The following CLNK variants were observed in gnomAD, a reference collection of about 807,000 sequenced individuals.
The protein encoded by CLNK is cytokine dependent hematopoietic cell linker, also known as cytokine-dependent hematopoietic cell linker.
CLNK carries 74 observed loss-of-function variants against 68.6 expected under a neutral mutation model. The ratio of observed to expected loss-of-function variants is 1.08; its 90% CI spans 0.89 to 1.31. The LOEUF (loss-of-function observed/expected upper bound fraction) is 1.31, where lower values mean the gene tolerates loss of function less well. Among genes scored for constraint, CLNK ranks in the 50% most tolerant of loss-of-function variants. CLNK has a pLI of 0.00. For missense variants in CLNK, 553 were observed against 515.3 expected, an observed-to-expected ratio of 1.07 and a Z score of -0.71; for synonymous variants, 198 against 172.2, an observed-to-expected ratio of 1.15 and a Z score of -1.17.
chr4:10,540,690 C>T (rs1304296047), intron 10 of CLNK, 86 bp from the exon 11 acceptor site: 14 of 890,708 alleles, frequency 1.6e-5, no homozygotes, highest in Non-Finnish European at 1.8e-5. Flanking sequence ...CTCTGCCCTC[C>T]GTGTCCCCAG....
chr4:10,728,043 G>C, the CLNK span, among the ~76,000 whole-genome samples: 6 of 152,278 alleles, frequency 3.9e-5, no homozygotes, highest in Admixed American at 2.6e-4. Context: ...TTGCCTCCTA[G>C]AGGGTATCGT....
At chr4:10,675,848 G>A (rs757697128) in intron 1 of CLNK, among the ~76,000 whole-genome samples, 21 of 152,128 alleles carry the variant, frequency 1.4e-4, no homozygotes, top group Non-Finnish European at 2.8e-4. Flanking sequence ...CTGGGTCAAG[G>A]CTCAAGAATA....
chr4:10,557,471 C>A (rs1311172297), intron 8 of CLNK, among the ~76,000 whole-genome samples: 3 of 152,182 alleles, frequency 2.0e-5, no homozygotes, highest in Admixed American at 1.3e-4. Context: ...GTCCCGGGAC[C>A]AGTGATCACT....
At chr4:10,592,579 A>G (rs555474824) in intron 3 of CLNK, among the ~76,000 whole-genome samples, 53 of 151,926 alleles carry the variant, frequency 3.5e-4, no homozygotes, top group Admixed American at 5.9e-4. Context: ...CTCTCGGTAT[A>G]CTACAGATCA....
intron 11 of CLNK, among the ~76,000 whole-genome samples, chr4:10,533,676 C>T (rs1237542390): frequency 6.6e-6 from 1 of 152,184 alleles, no homozygotes; most frequent in Non-Finnish European, 1.5e-5. Flanking sequence ...GTAGAACAAA[C>T]ACCCAGAGTA....
rs954918720 is a variant in CLNK, at chr4:10,621,677, A to G, written c.12-23628T>C. Among the ~76,000 whole-genome samples, 3 of 152,362 alleles carry G rather than the reference A, an allele frequency of 2.0e-5. No homozygotes were observed. The South Asian group carries it at 6.2e-4, about 32-fold the overall frequency. The stretch of plus-strand genomic sequence containing the variant: ...CTGTCCCTCCAGGATGACATTAGGA[A>G]CATACTGTCAAGAAAAGGATGATGC... On this transcript the variant is annotated intron_variant, in intron 2 of 18. Coordinates refer to ENST00000226951, the MANE Select transcript of CLNK (RefSeq NM_052964.4).
chr4:10,628,648 T>C (rs1180401260), intron 2 of CLNK, among the ~76,000 whole-genome samples: 2 of 152,196 alleles, frequency 1.3e-5, no homozygotes, highest in African/African-American at 4.8e-5. Flanking sequence ...CCTCTGCTCC[T>C]CCTTCTTCAG....
chr4:10,644,562 A>G (rs1303494237), intron 2 of CLNK, among the ~76,000 whole-genome samples: 1 of 152,186 alleles, frequency 6.6e-6, no homozygotes, highest in Non-Finnish European at 1.5e-5. Flanking sequence ...AACCCAGAAT[A>G]TAGTAGAGGC....
chr4:10,660,418 G>A (rs1560267335), intron 2 of CLNK, among the ~76,000 whole-genome samples: 1 of 152,078 alleles, frequency 6.6e-6, no homozygotes, highest in Non-Finnish European at 1.5e-5. Context: ...AGCCTAAAAG[G>A]AAATATCCAA....
At chr4:10,660,561 C>G (rs999795802) in intron 2 of CLNK, among the ~76,000 whole-genome samples, 1 of 152,090 alleles carries the variant, frequency 6.6e-6, no homozygotes, top group African/African-American at 2.4e-5. Flanking sequence ...TACATCAGAG[C>G]CTTTATTATT....
At chr4:10,714,212 T>G in the CLNK span, among the ~76,000 whole-genome samples, 1 of 152,176 alleles carries the variant, frequency 6.6e-6, no homozygotes, top group Admixed American at 6.5e-5. Flanking sequence ...GGTTTGTGAT[T>G]TTGCTATTTA....
chr4:10,613,351 G>T (rs1401076081), intron 2 of CLNK, among the ~76,000 whole-genome samples: 2 of 152,184 alleles, frequency 1.3e-5, no homozygotes, highest in Non-Finnish European at 2.9e-5. Context: ...TCAGCTGTGG[G>T]ATAACTGAAG....
intron 2 of CLNK, among the ~76,000 whole-genome samples, chr4:10,659,399 T>C (rs912191647): frequency 1.3e-5 from 2 of 152,318 alleles, no homozygotes; most frequent in Non-Finnish European, 1.5e-5. Flanking sequence ...CGATTTCATT[T>C]AATAAAGAAA....
chr4:10,576,817 G>C (rs533790931), intron 4 of CLNK, among the ~76,000 whole-genome samples: 1 of 152,346 alleles, frequency 6.6e-6, no homozygotes, highest in East Asian at 1.9e-4. Flanking sequence ...CGCTAAGTTA[G>C]AAGCTCCAAT....
At chr4:10,512,614 A>T (rs12499142) in intron 16 of CLNK, among the ~76,000 whole-genome samples, 96,316 of 151,696 alleles carry the variant, frequency 0.63, 31,200 homozygotes, top group Non-Finnish European at 0.72. Flanking sequence ...GAATATAAGG[A>T]TAACAAAAGA....
intron 2 of CLNK, among the ~76,000 whole-genome samples, chr4:10,637,612 T>G: frequency 9.3e-6 from 1 of 107,754 alleles, no homozygotes; most frequent in Non-Finnish European, 1.7e-5. Context: ...TTTTTTTTTT[T>G]GAGACGGAGT....
At chr4:10,553,578 C>G (rs941592624) in intron 8 of CLNK, among the ~76,000 whole-genome samples, 55 of 151,926 alleles carry the variant, frequency 3.6e-4, no homozygotes, top group Non-Finnish European at 1.6e-4. Flanking sequence ...CAGCCTCCCC[C>G]GTAGCTGGGA....
chr4:10,572,997 T>A (rs1277561077), intron 4 of CLNK, among the ~76,000 whole-genome samples: 1 of 151,992 alleles, frequency 6.6e-6, no homozygotes, highest in African/African-American at 2.4e-5. Context: ...CCCAGCTAAT[T>A]TTTTGTATTT....
chr4:10,691,226 AT>A, the CLNK span, among the ~76,000 whole-genome samples: 1 of 152,164 alleles, frequency 6.6e-6, no homozygotes, highest in Non-Finnish European at 1.5e-5. Context: ...TATACATAAT[AT>A]GTATAATATG....
Sources: allele counts gnomAD v4.1 joint callset (sites outside exome capture counted in the v4.1 genomes callset), GRCh38; gene constraint gnomAD v4.1.1; transcripts MANE v1.5; gene names NCBI Gene and HGNC (gene_info 2026-07-23, HGNC 2026-07-21).